TYW1: variants seen among roughly 807,000 people sequenced by gnomAD.
The protein encoded by TYW1 is S-adenosyl-L-methionine-dependent tRNA 4-demethylwyosine synthase TYW1.
A neutral mutation model predicts 96.2 loss-of-function variants in TYW1; 46 were observed. That is an observed-to-expected ratio of 0.48 (90% CI 0.38 to 0.61). TYW1 has a LOEUF of 0.61. Among genes scored for constraint, TYW1 ranks in the 20% least tolerant of loss-of-function variants. TYW1 has a pLI of 0.00. For synonymous variants in TYW1, 274 were observed against 323.0 expected (o/e 0.85, Z 1.63); for missense variants, 684 against 909.6 (o/e 0.75, Z 3.19).
chr7:67,026,299 C>G (rs1314171191), intron 7 of TYW1, among the ~76,000 whole-genome samples: 1 of 152,178 alleles, frequency 6.6e-6, no homozygotes, highest in Non-Finnish European at 1.5e-5. Flanking sequence ...TCTCGAACTC[C>G]TGACCTCAGG....
At chr7:67,036,283 AG>A (rs2129253329) in intron 7 of TYW1, among the ~76,000 whole-genome samples, 1 of 151,468 alleles carries the variant, frequency 6.6e-6, no homozygotes, top group South Asian at 2.1e-4. Flanking sequence ...GTATTATGTG[AG>A]TGCATACCAA....
intron 5 of TYW1, among the ~76,000 whole-genome samples, chr7:67,016,997 T>TA (rs1794047412): frequency 6.6e-6 from 1 of 150,456 alleles, no homozygotes; most frequent in Non-Finnish European, 1.5e-5. Flanking sequence ...TTTTTTTTTT[T>TA]TTTTTGAGAC....
intron 7 of TYW1, among the ~76,000 whole-genome samples, chr7:67,040,665 C>G (rs941575418): frequency 1.3e-5 from 2 of 151,800 alleles, no homozygotes; most frequent in African/African-American, 4.8e-5. Flanking sequence ...GGCAACATGA[C>G]GAAACCCTAT....
In TYW1 at chr7:66,996,920, G is replaced by T. The variant is rs1793184083; in HGVS notation, c.-59G>T. On this transcript the variant is annotated 5_prime_UTR_variant, in exon 1 of 16. Transcript: ENST00000359626. ...TAGCTCGGTGCGTCTCGCGGTACCA[G>T]TGCGAATCATCGGGCTATCCAGGTC... 3 of 1,612,986 alleles carry T rather than the reference G, an allele frequency of 1.9e-6. No individual in the cohort carries two copies. Among genetic ancestry groups the T allele is most frequent in the Middle Eastern group, 1.7e-4 (1 of 6,060 alleles).
intron 13 of TYW1, among the ~76,000 whole-genome samples, chr7:67,147,767 T>C (rs1798653692): frequency 6.6e-6 from 1 of 152,158 alleles, no homozygotes; most frequent in African/African-American, 2.4e-5. Context: ...TGTTCTTTTT[T>C]ACGTCTGCAA....
intron 12 of TYW1, among the ~76,000 whole-genome samples, chr7:67,111,371 T>C (rs566372575): frequency 4.9e-4 from 74 of 152,250 alleles, no homozygotes; most frequent in African/African-American, 1.7e-3. Context: ...TGGCTAATTT[T>C]TGTATTTTTA....
chr7:67,072,269 C>T (rs1321743563), intron 10 of TYW1, among the ~76,000 whole-genome samples: 2 of 133,226 alleles, frequency 1.5e-5, no homozygotes, highest in African/African-American at 5.8e-5. Flanking sequence ...TTTTTTGAGA[C>T]GGAGTCTCAC....
intron 12 of TYW1, among the ~76,000 whole-genome samples, chr7:67,115,240 C>A: frequency 7.4e-6 from 1 of 134,896 alleles, no homozygotes; most frequent in Non-Finnish European, 1.6e-5. Flanking sequence ...TAAGACAGTC[C>A]TTTTTTTTTT....
intron 15 of TYW1, among the ~76,000 whole-genome samples, chr7:67,234,665 A>C (rs1157275406): frequency 6.6e-6 from 1 of 152,178 alleles, no homozygotes; most frequent in Non-Finnish European, 1.5e-5. Context: ...TTTGGGAATC[A>C]GAGCAGTCAG....
intron 15 of TYW1, among the ~76,000 whole-genome samples, chr7:67,228,062 A>G (rs1215163344): frequency 7.2e-5 from 11 of 152,148 alleles, no homozygotes; most frequent in Admixed American, 6.5e-4. Context: ...CTTAACTGCA[A>G]TGTGGGAGTA....
intron 13 of TYW1, among the ~76,000 whole-genome samples, chr7:67,146,099 T>C (rs1313765833): frequency 6.6e-6 from 1 of 152,102 alleles, no homozygotes; most frequent in Non-Finnish European, 1.5e-5. Context: ...ATGGTACTTA[T>C]TTAGATATAA....
chr7:67,205,463 G>T (rs1175422564), intron 15 of TYW1, among the ~76,000 whole-genome samples: 1 of 151,682 alleles, frequency 6.6e-6, no homozygotes. Context: ...CACCACTCAA[G>T]TGTATGGGGG....
At chr7:67,012,313 A>G (rs1195897390) in intron 4 of TYW1, among the ~76,000 whole-genome samples, 2 of 152,194 alleles carry the variant, frequency 1.3e-5, no homozygotes, top group East Asian at 3.9e-4. Context: ...ATGCCACTGC[A>G]TTCCAGCCTG....
intron 12 of TYW1, among the ~76,000 whole-genome samples, chr7:67,114,888 A>C (rs774704862): frequency 6.6e-6 from 1 of 151,992 alleles, no homozygotes; most frequent in African/African-American, 2.4e-5. Flanking sequence ...CCTCTTCTCC[A>C]TTCTTCCTCT....
intron 7 of TYW1, among the ~76,000 whole-genome samples, chr7:67,040,013 G>C (rs1794964669): frequency 6.6e-6 from 1 of 151,204 alleles, no homozygotes; most frequent in Non-Finnish European, 1.5e-5. Flanking sequence ...CTGGAGTGCA[G>C]TGGTGCAATC....
chr7:67,062,269 C>T (rs1332109187), intron 9 of TYW1, among the ~76,000 whole-genome samples: 3 of 151,710 alleles, frequency 2.0e-5, no homozygotes, highest in Admixed American at 1.3e-4. Flanking sequence ...ATTAGCTGGG[C>T]GTAGTGGTGG....
intron 11 of TYW1, among the ~76,000 whole-genome samples, chr7:67,084,627 C>T (rs1462218087): frequency 1.3e-5 from 2 of 151,872 alleles, no homozygotes; most frequent in South Asian, 4.1e-4. Context: ...AGATGATCCT[C>T]CCACCTCAGC....
At chr7:67,107,281 GT>G in intron 12 of TYW1, among the ~76,000 whole-genome samples, 1 of 152,316 alleles carries the variant, frequency 6.6e-6, no homozygotes, top group South Asian at 2.1e-4. Flanking sequence ...TTCAATAGAA[GT>G]TTCAGTAGAA....
chr7:67,098,755 T>C (rs1430278040), intron 12 of TYW1, 37 bp downstream of exon 12: 1 of 1,534,584 alleles, frequency 6.5e-7, no homozygotes, highest in Admixed American at 2.2e-5. Flanking sequence ...GCTGCTTGAA[T>C]CTATGTTTCA....
Sources: allele counts gnomAD v4.1 joint callset (sites outside exome capture counted in the v4.1 genomes callset), GRCh38; gene constraint gnomAD v4.1.1; transcripts MANE v1.5; gene names NCBI Gene and HGNC (gene_info 2026-07-23, HGNC 2026-07-21).